KIAA2012: variants seen among roughly 807,000 people sequenced by gnomAD.
The protein encoded by KIAA2012 is uncharacterized protein KIAA2012.
KIAA2012 carries 125 observed loss-of-function variants against 150.6 expected under a neutral mutation model. The ratio of observed to expected loss-of-function variants is 0.83; its 90% CI spans 0.72 to 0.96. The LOEUF (loss-of-function observed/expected upper bound fraction) is 0.96, where lower values mean the gene tolerates loss of function less well. Among genes scored for constraint, KIAA2012 ranks in the 40% least tolerant of loss-of-function variants. KIAA2012 has a pLI of 0.00. For synonymous variants in KIAA2012, 462 were observed against 504.7 expected (o/e 0.92, Z 1.13); for missense variants, 1,219 against 1,354.9 (o/e 0.90, Z 1.57).
At chr2:202,130,915 C>CAAAA (rs200033102) in intron 12 of KIAA2012, among the ~76,000 whole-genome samples, 2 of 150,972 alleles carry the variant, frequency 1.3e-5, no homozygotes, top group African/African-American at 2.4e-5. Flanking sequence ...GACTCCATCT[C>CAAAA]AAAAATAAAT....
In KIAA2012 at chr2:202,186,815, G is replaced by A. The variant is rs1028390273; in HGVS notation, c.2211-118G>A. 1.3e-5 allele frequency: 12 copies of A among 927,452 alleles called. No individual in the cohort carries two copies. The Admixed American group carries it at 1.4e-4, about 11-fold the overall frequency. 57.5% of individuals were successfully genotyped at this position (927,452 alleles called of 1,614,324 possible). ...AGAAGAAAAAGAGTTGACTAAGTATGTCAAATGTCAGGCACAGTGCCTGCA... is the reference window on the plus strand; with the variant it reads ...AGAAGAAAAAGAGTTGACTAAGTATATCAAATGTCAGGCACAGTGCCTGCA... On this transcript the variant is annotated intron_variant, in intron 16 of 23. Transcript: ENST00000498697.
chr2:202,074,309 C>G (rs1689273163), intron 1 of KIAA2012, among the ~76,000 whole-genome samples: 1 of 152,080 alleles, frequency 6.6e-6, no homozygotes, highest in Non-Finnish European at 1.5e-5. Flanking sequence ...TGTCATGGTA[C>G]TTTGTCATGA....
At chr2:202,172,913 G>A (rs1449556475) in intron 15 of KIAA2012, among the ~76,000 whole-genome samples, 5 of 152,304 alleles carry the variant, frequency 3.3e-5, no homozygotes, top group African/African-American at 9.6e-5. Flanking sequence ...ACACTGCCAG[G>A]CCCTGCTATC....
chr2:202,187,634 AGTG>A (rs1273149163), intron 17 of KIAA2012, among the ~76,000 whole-genome samples: 6 of 152,110 alleles, frequency 3.9e-5, no homozygotes, highest in Admixed American at 3.9e-4. Context: ...AAAGGTACTG[AGTG>A]GGTAGTCATG....
At chr2:202,184,961 C>A in intron 16 of KIAA2012, 118 bp downstream of exon 16, 1 of 658,428 alleles carries the variant, frequency 1.5e-6, no homozygotes, top group Non-Finnish European at 2.5e-6. Context: ...TGACAGTATG[C>A]TCTAACAGCC....
chr2:202,201,978 C>T, intron 22 of KIAA2012: 1 of 651,922 alleles, frequency 1.5e-6, no homozygotes, highest in Non-Finnish European at 2.7e-6. Flanking sequence ...ACGTGACAGT[C>T]CATCTGTCTA....
intron 1 of KIAA2012, among the ~76,000 whole-genome samples, chr2:202,074,368 G>A (rs1011612659): frequency 6.6e-6 from 1 of 152,120 alleles, no homozygotes; most frequent in Admixed American, 6.5e-5. Context: ...CAAAGGACCT[G>A]TATGGCCAAT....
chr2:202,180,065 A>G lies in KIAA2012; in HGVS notation c.2120-4688A>G, dbSNP rs557374552. 6.3e-4 allele frequency: 250 copies of G among 395,890 alleles called. 1 individual carries two copies. Among genetic ancestry groups the G allele is most frequent in the African/African-American group, 5.0e-3 (239 of 47,802 alleles). 24.5% of individuals were successfully genotyped at this position (395,890 alleles called of 1,614,324 possible). On this transcript the variant is annotated intron_variant, in intron 15 of 23. Coordinates refer to ENST00000498697, the MANE Select transcript of KIAA2012 (RefSeq NM_001277372.4). Reference sequence around the variant, plus strand: ...GGTGGGAAGATCACCTGAGGTCGGGAGTTCAAGACCAGCCTGACCAACATG... The same window carrying G: ...GGTGGGAAGATCACCTGAGGTCGGGGGTTCAAGACCAGCCTGACCAACATG...
chr2:202,138,469 T>A lies in KIAA2012; in HGVS notation c.1869T>A (p.Leu623=). The A allele has an allele frequency of 6.4e-7, 1 of 1,550,604 alleles. No homozygotes were observed. The part of the protein sequence containing the change: ...TEPRANLHMN[L]YETSPLTQTT... Reference sequence around the variant, plus strand: ...CTAGAGCCAATCTTCACATGAACCTTTATGAAACCTCACCGTTGACCCAAA... The same window carrying A: ...CTAGAGCCAATCTTCACATGAACCTATATGAAACCTCACCGTTGACCCAAA... The change falls in exon 13 of 24, where the codon CTT becomes CTA. Residue 623 remains leucine, a synonymous_variant. Coordinates refer to ENST00000498697, the MANE Select transcript of KIAA2012 (RefSeq NM_001277372.4).
rs1422139706 is a variant in KIAA2012, at chr2:202,099,617, C to T, written c.833C>T (p.Thr278Met). 1.3e-5 allele frequency: 20 copies of T among 1,549,248 alleles called. 1 individual carries two copies. In the South Asian group the frequency reaches 1.8e-4, roughly 14 times the overall value. ...TGTGTATCTGTCGTTCCCTAGGACA[C>T]GTCAATAGAGAATCACCTTTGTTTA... ...WQEDETQAED[T>M]SIENHLCLYA... Residue 278 changes from threonine (T) to methionine (M), a missense_variant, in exon 6 of 24, where the codon ACG (threonine) becomes ATG (methionine). Transcript: ENST00000498697.
chr2:202,201,375 G>C, intron 22 of KIAA2012: 2 of 1,585,150 alleles, frequency 1.3e-6, no homozygotes, highest in Non-Finnish European at 1.7e-6. Context: ...GGTGGCCTTG[G>C]TTCCTCACCA....
Position 202,104,603 on chromosome 2 carries a change from A to G in KIAA2012, c.1325-1158A>G, listed in dbSNP as rs1690133181. On this transcript the variant is annotated intron_variant, in intron 8 of 23. Transcript: ENST00000498697. This position sits in a 1 kb window ranked among gnomAD's most constrained non-coding sequence, Gnocchi z 4.3. The stretch of plus-strand genomic sequence containing the variant: ...TGAATAATTCAGCCAGCTCTGCAGC[A>G]TAGGGGCTATCCCTTGCTGTCTGGT... 6.6e-6 allele frequency among the ~76,000 whole-genome samples: 1 copy of G among 152,236 alleles called. No homozygotes were observed. The highest frequency in any genetic ancestry group is 6.5e-5 in the Admixed American group (1 of 15,284).
At chr2:202,115,959 T>C (rs1002403214) in intron 11 of KIAA2012, 7 of 152,092 alleles carry the variant, frequency 4.6e-5, no homozygotes, top group African/African-American at 1.7e-4. Flanking sequence ...TTGACCCTTT[T>C]GGTCATGTTG....
chr2:202,111,823 G>A (rs1478198159), intron 10 of KIAA2012, among the ~76,000 whole-genome samples: 1 of 152,106 alleles, frequency 6.6e-6, no homozygotes, highest in African/African-American at 2.4e-5. Context: ...CCCTGTGAGA[G>A]TGTGCATATA....
chr2:202,171,264 G>GT (rs2105728923), intron 15 of KIAA2012, among the ~76,000 whole-genome samples: 1 of 152,126 alleles, frequency 6.6e-6, no homozygotes, highest in South Asian at 2.1e-4. Flanking sequence ...TCTTCAAGCA[G>GT]TTTTTTTAAA....
At chr2:202,155,106 C>T (rs1163419371) in intron 14 of KIAA2012, among the ~76,000 whole-genome samples, 1 of 152,164 alleles carries the variant, frequency 6.6e-6, no homozygotes, top group Non-Finnish European at 1.5e-5. Flanking sequence ...AAATATAATT[C>T]ATTTTATCTT....
At chr2:202,197,177 C>CTTTT in intron 22 of KIAA2012, 158 bp downstream of exon 22, 1 of 1,132,952 alleles carries the variant, frequency 8.8e-7, no homozygotes, top group Non-Finnish European at 1.2e-6. Context: ...TCTTTTGCTG[C>CTTTT]AAATGTCAAG....
intron 15 of KIAA2012, among the ~76,000 whole-genome samples, chr2:202,176,358 G>A (rs911731780): frequency 5.9e-5 from 9 of 151,862 alleles, no homozygotes; most frequent in African/African-American, 1.7e-4. Context: ...CACCAGGCCC[G>A]GCTAATTTTT....
rs552818740 is a variant in KIAA2012, at chr2:202,165,473, G to A, written c.2119+117G>A. ...ACGGTGGCTCACGCCTGTAGTCCCAGCACTTTGTGAGGCCAAGGCGGGTGG... is the reference window on the plus strand; with the variant it reads ...ACGGTGGCTCACGCCTGTAGTCCCAACACTTTGTGAGGCCAAGGCGGGTGG... On this transcript the variant is annotated intron_variant, in intron 15 of 23. Transcript: ENST00000498697. 5.0e-5 allele frequency: 50 copies of A among 1,008,980 alleles called. No individual in the cohort carries two copies. In the Middle Eastern group the frequency reaches 1.8e-3, roughly 37 times the overall value. The allele number at this position is 1,008,980 out of a possible 1,614,324, so 62.5% of individuals were successfully genotyped here.
Sources: gnomAD v4.1 joint callset for allele counts (sites outside exome capture counted in the v4.1 genomes callset) on GRCh38, gnomAD v4.1.1 for gene constraint, Gnocchi (gnomAD v3.1) non-coding constraint, MANE v1.5 for transcripts, NCBI Gene and HGNC (gene_info 2026-07-23, HGNC 2026-07-21) for gene names.